RNF17: variants seen among roughly 807,000 people sequenced by gnomAD.
RNF17 encodes the protein spermatogenesis associated 23.
RNF17 carries 31 observed loss-of-function variants against 200.5 expected under a neutral mutation model. That is an observed-to-expected ratio of 0.15 (90% confidence interval 0.12 to 0.21). RNF17 has a LOEUF of 0.21. Ranked by LOEUF, RNF17 falls within the 10% of genes least tolerant of loss-of-function variation. The pLI is 1.00. For synonymous variants in RNF17, 606 were observed against 637.8 expected (o/e 0.95, Z 0.75); for missense variants, 1,628 against 1,905.1 (o/e 0.85, Z 2.71).
At chr13:24,821,927 G>A (rs1162139731) in intron 15 of RNF17, among the ~76,000 whole-genome samples, 1 of 152,172 alleles carries the variant, frequency 6.6e-6, no homozygotes, top group East Asian at 1.9e-4. Flanking sequence ...ACACACATGA[G>A]GAGTTTAGGA....
intron 15 of RNF17, among the ~76,000 whole-genome samples, chr13:24,821,774 C>T (rs189637820): frequency 6.6e-6 from 1 of 152,214 alleles, no homozygotes; most frequent in African/African-American, 2.4e-5. Context: ...TCCCTTAACC[C>T]TTTTAACATA....
chr13:24,782,874 A>C (rs970343612), intron 6 of RNF17, among the ~76,000 whole-genome samples: 1 of 152,176 alleles, frequency 6.6e-6, no homozygotes, highest in African/African-American at 2.4e-5. Flanking sequence ...CTCTCTCGAT[A>C]ATGTCCTTTG....
chr13:24,777,779 G>A (rs1324519896), intron 3 of RNF17, among the ~76,000 whole-genome samples: 2 of 151,926 alleles, frequency 1.3e-5, no homozygotes, highest in Non-Finnish European at 2.9e-5. Flanking sequence ...CATTATTTTT[G>A]GAATTTTTTA....
At position 24,834,930 on chromosome 13, in the gene RNF17, G is replaced by A. The variant is rs115877685; in HGVS notation, c.2482+2952G>A. On this transcript the variant is annotated intron_variant, in intron 18 of 35. Coordinates refer to ENST00000255324, the MANE Select transcript of RNF17 (RefSeq NM_031277.3). ...CTGGGAGGCAGATAGCCTGGGGCAG[G>A]TTTTCAAATCCATATTGCTCTCCAC... is the stretch of plus-strand genomic sequence containing the variant. Among the ~76,000 whole-genome samples the A allele has an allele frequency of 1.0e-2, 1,523 of 152,304 alleles. 36 individuals are homozygous for A. Among genetic ancestry groups the A allele is most frequent in the African/African-American group, 0.034 (1,408 of 41,552 alleles).
upstream of RNF17, among the ~76,000 whole-genome samples, chr13:24,763,369 A>ATTTTTTTTTTTTTTTTTTTTTTT (rs34750040): frequency 8.7e-6 from 1 of 114,710 alleles, no homozygotes; most frequent in Non-Finnish European, 1.7e-5. Context: ...CGTCCGGCTA[A>ATTTTTTTTTTTTTTTTTTTTTTT]TTTTTTTTTT....
intron 22 of RNF17, 30 bp downstream of exon 22, chr13:24,845,109 AT>A (rs1243790823): frequency 1.9e-6 from 2 of 1,058,716 alleles, no homozygotes; most frequent in Admixed American, 2.1e-5. Flanking sequence ...TTTTCTCATT[AT>A]TTTAAATATT....
intron 26 of RNF17, 54 bp from the exon 27 acceptor site, chr13:24,861,214 C>A: frequency 6.9e-7 from 1 of 1,443,892 alleles, no homozygotes; most frequent in East Asian, 2.5e-5. Context: ...TTCCTTTTGT[C>A]CCCTAGCTTT....
chr13:24,791,293 T>A (rs1255694617), intron 9 of RNF17, among the ~76,000 whole-genome samples: 2 of 151,962 alleles, frequency 1.3e-5, no homozygotes, highest in African/African-American at 4.8e-5. Flanking sequence ...ATATGACAAA[T>A]GCAAAATAGG....
At chr13:24,877,660 C>T (rs978041073) in intron 34 of RNF17, among the ~76,000 whole-genome samples, 4 of 152,232 alleles carry the variant, frequency 2.6e-5, no homozygotes, top group East Asian at 3.9e-4. Context: ...ATAAGTAAAA[C>T]AGGAATGTGG....
At chr13:24,749,291 T>TTTTCTTTC in the RNF17 span, among the ~76,000 whole-genome samples, 28 of 99,714 alleles carry the variant, frequency 2.8e-4, no homozygotes, top group East Asian at 1.4e-3. Context: ...GAACTTTCTT[T>TTTTCTTTC]TTTCTTTCTT....
intron 18 of RNF17, among the ~76,000 whole-genome samples, chr13:24,839,887 C>T (rs991116862): frequency 6.6e-6 from 1 of 152,080 alleles, no homozygotes; most frequent in East Asian, 1.9e-4. Context: ...TAGCTGGGAC[C>T]TAATTGAACT....
At chr13:24,883,853 C>G (rs1264733676), downstream of RNF17, 2 of 1,226,152 alleles carry the variant, frequency 1.6e-6, no homozygotes, top group Admixed American at 3.4e-5. Context: ...ACTGAACCCC[C>G]TAATATGGGT....
chr13:24,804,722 A>T (rs965607729), intron 15 of RNF17, among the ~76,000 whole-genome samples: 8 of 152,096 alleles, frequency 5.3e-5, no homozygotes, highest in African/African-American at 1.9e-4. Flanking sequence ...GATAAAATAA[A>T]TTTTTTTCTA....
intron 18 of RNF17, among the ~76,000 whole-genome samples, chr13:24,837,441 AT>A (rs1890138623): frequency 6.6e-6 from 1 of 152,044 alleles, no homozygotes; most frequent in Admixed American, 6.6e-5. Context: ...GCGTATGGAA[AT>A]TTCTAAGACC....
At chr13:24,868,913 C>T (rs1893962973) in intron 31 of RNF17, among the ~76,000 whole-genome samples, 197 bp downstream of exon 31, 1 of 152,174 alleles carries the variant, frequency 6.6e-6, no homozygotes, top group African/African-American at 2.4e-5. Flanking sequence ...TAAGGACCTA[C>T]TGGGTTCCTG....
At chr13:24,823,813 T>G (rs7334935) in intron 15 of RNF17, among the ~76,000 whole-genome samples, 65,580 of 152,060 alleles carry the variant, frequency 0.43, 14,233 homozygotes, top group East Asian at 0.47. Flanking sequence ...TATTGTATGT[T>G]TCTACTCATA....
Position 24,844,667 on chromosome 13 carries a change from G to T in RNF17, c.2847G>T (p.Met949Ile). ...ENLLNSLEEK[M>I]IAAYENSKWE... ...ATCTCTATAGTTTAGAAGAAAAGATGATAGCTGCTTATGAAAACTCAAAAT... is the reference window on the plus strand; with the variant it reads ...ATCTCTATAGTTTAGAAGAAAAGATTATAGCTGCTTATGAAAACTCAAAAT... Residue 949 changes from methionine to isoleucine, a missense_variant, in exon 21 of 36, where the codon ATG becomes ATT. Transcript: ENST00000255324. 1 of 1,598,250 alleles carries T rather than the reference G, an allele frequency of 6.3e-7. No individual in the cohort carries two copies. The highest frequency in any genetic ancestry group is 8.6e-7 in the Non-Finnish European group (1 of 1,166,882).
intron 13 of RNF17, among the ~76,000 whole-genome samples, chr13:24,802,106 C>T (rs766251262): frequency 2.3e-4 from 35 of 152,166 alleles, no homozygotes; most frequent in Non-Finnish European, 4.0e-4. Flanking sequence ...CTGCCTCAGC[C>T]TCCCGAGTAG....
rs189737607 is a variant in RNF17, at chr13:24,825,030, C to G, written c.2092-589C>G. On this transcript the variant is annotated intron_variant, in intron 15 of 35. Coordinates refer to ENST00000255324, the MANE Select transcript of RNF17 (RefSeq NM_031277.3). ...AGACCTTACTCTATGGAAGAATAAG[C>G]TAAATAGCAGCATGAGGATATAACC... 6.6e-5 allele frequency among the ~76,000 whole-genome samples: 10 copies of G among 152,152 alleles called. No homozygotes were observed. In the East Asian group the frequency reaches 1.9e-3, roughly 29 times the overall value.
Sources: allele counts gnomAD v4.1 joint callset (sites outside exome capture counted in the v4.1 genomes callset), GRCh38; gene constraint gnomAD v4.1.1; transcripts MANE v1.5; gene names NCBI Gene and HGNC (gene_info 2026-07-23, HGNC 2026-07-21).